The following RDX variants were observed in gnomAD, a reference collection of about 807,000 sequenced individuals.
RDX encodes the protein radixin, also known as deafness, autosomal recessive 24.
In RDX, 32 loss-of-function variants were observed where a neutral mutation model predicts 83.7. That is an observed-to-expected ratio of 0.38 (90% CI 0.29 to 0.51). The LOEUF is 0.51. Ranked by LOEUF, RDX falls within the 20% of genes least tolerant of loss-of-function variation. The pLI is 0.87. For synonymous variants in RDX, 229 were observed against 222.7 expected (o/e 1.03, Z -0.25); for missense variants, 600 against 689.9 (o/e 0.87, Z 1.46).
intron 9 of RDX, among the ~76,000 whole-genome samples, chr11:110,253,603 A>G (rs976583766): frequency 3.9e-5 from 6 of 152,172 alleles, no homozygotes; most frequent in African/African-American, 1.4e-4. Flanking sequence ...TTTCAAAGTT[A>G]AATATTCAGC....
chr11:110,182,917 T>A (rs764592434), intron 15 of RDX, among the ~76,000 whole-genome samples: 2 of 152,212 alleles, frequency 1.3e-5, no homozygotes, highest in South Asian at 2.1e-4. Flanking sequence ...GAGCAAATCA[T>A]TCTTTTACAG....
chr11:110,243,553 A>G (rs1865184185), intron 10 of RDX, among the ~76,000 whole-genome samples: 1 of 152,124 alleles, frequency 6.6e-6, no homozygotes, highest in African/African-American at 2.4e-5. Context: ...CCCTGTCTCT[A>G]CTAAAAATAT....
intron 3 of RDX, among the ~76,000 whole-genome samples, chr11:110,266,353 GTAAGAGTAAA>G (rs1370648135): frequency 2.0e-5 from 3 of 151,540 alleles, no homozygotes; most frequent in African/African-American, 7.3e-5. Flanking sequence ...AGAAAATAAA[GTAAGAGTAAA>G]TAAAGTGGTG....
At chr11:110,195,256 G>T (rs1273147745) in intron 15 of RDX, among the ~76,000 whole-genome samples, 1 of 152,122 alleles carries the variant, frequency 6.6e-6, no homozygotes, top group Admixed American at 6.5e-5. Context: ...GAGCCACCGT[G>T]CCCAGCCAGA....
chr11:110,253,674 T>C (rs982456491), intron 9 of RDX, among the ~76,000 whole-genome samples: 1 of 152,094 alleles, frequency 6.6e-6, no homozygotes, highest in Non-Finnish European at 1.5e-5. Context: ...TTTGAAAGTT[T>C]CAAACTACTA....
At chr11:110,256,832 T>C (rs999315092) in intron 7 of RDX, among the ~76,000 whole-genome samples, 7 of 152,226 alleles carry the variant, frequency 4.6e-5, no homozygotes, top group Non-Finnish European at 2.9e-5. Context: ...CATGAGAAGA[T>C]ATTAGGGTAA....
chr11:110,293,613 C>A (rs3847565), intron 1 of RDX, among the ~76,000 whole-genome samples: 2,551 of 152,198 alleles, frequency 0.017, 86 homozygotes, highest in East Asian at 0.14. Context: ...TTAAAATAAT[C>A]TTTTAAGGGT....
At chr11:110,212,284 GGAA>G (rs1470208901) in intron 14 of RDX, among the ~76,000 whole-genome samples, 1 of 151,630 alleles carries the variant, frequency 6.6e-6, no homozygotes, top group Non-Finnish European at 1.5e-5. Context: ...GACTAAACCA[GGAA>G]GAAGTTGAAT....
intron 2 of RDX, among the ~76,000 whole-genome samples, chr11:110,276,360 T>C (rs1002965765): frequency 6.6e-6 from 1 of 151,940 alleles, no homozygotes; most frequent in Non-Finnish European, 1.5e-5. Flanking sequence ...CACTGGTCAA[T>C]TAAACTACTC....
chr11:110,181,098 GAGC>G (rs1340991816), intron 15 of RDX, among the ~76,000 whole-genome samples: 1 of 151,592 alleles, frequency 6.6e-6, no homozygotes, highest in Non-Finnish European at 1.5e-5. Context: ...GCCTGGATTA[GAGC>G]AGCTCAGGTG....
chr11:110,220,828 T>C (rs1461817134), intron 14 of RDX, among the ~76,000 whole-genome samples: 2 of 149,094 alleles, frequency 1.3e-5, no homozygotes, highest in African/African-American at 5.0e-5. Flanking sequence ...TGTCAGACTA[T>C]GTATCTAATG....
rs544146882 is a variant in RDX, at chr11:110,222,804, T to C, written c.1748+9069A>G. Among the ~76,000 whole-genome samples the C allele has an allele frequency of 3.3e-5, 5 of 151,458 alleles. No individual in the cohort carries two copies. In the East Asian group the frequency reaches 9.8e-4, roughly 30 times the overall value. On this transcript the variant is annotated intron_variant, in intron 14 of 15. Transcript: ENST00000528498. The stretch of plus-strand genomic sequence containing the variant: ...GACAGAGCCAGACTCCCAACTCAAA[T>C]AAATGAATGAATGAATGAATGAATG...
intron 15 of RDX, among the ~76,000 whole-genome samples, chr11:110,195,257 C>A (rs1863180109): frequency 6.6e-6 from 1 of 152,134 alleles, no homozygotes; most frequent in Non-Finnish European, 1.5e-5. Flanking sequence ...AGCCACCGTG[C>A]CCAGCCAGAG....
intron 1 of RDX, among the ~76,000 whole-genome samples, chr11:110,291,019 G>A (rs75381301): frequency 0.039 from 5,972 of 152,192 alleles, 231 homozygotes; most frequent in African/African-American, 0.091. Flanking sequence ...GTAAAAAAAG[G>A]ACCGAAGACA....
intron 1 of RDX, among the ~76,000 whole-genome samples, chr11:110,289,055 T>A (rs1437005267): frequency 6.6e-6 from 1 of 151,780 alleles, no homozygotes; most frequent in East Asian, 1.9e-4. Flanking sequence ...CTGACCAACA[T>A]GGAGAAACCC....
chr11:110,257,551 T>G (rs767013452), intron 7 of RDX, among the ~76,000 whole-genome samples: 4 of 152,188 alleles, frequency 2.6e-5, no homozygotes, highest in Non-Finnish European at 4.4e-5. Context: ...ATCATCTCAT[T>G]TGATAAATAC....
intron 1 of RDX, among the ~76,000 whole-genome samples, chr11:110,294,738 G>A (rs559404552): frequency 6.6e-6 from 1 of 151,620 alleles, no homozygotes; most frequent in Non-Finnish European, 1.5e-5. Context: ...AAAACAAAAG[G>A]ACAGACTCAA....
intron 3 of RDX, among the ~76,000 whole-genome samples, chr11:110,265,501 T>A (rs200133467): frequency 3.7e-4 from 11 of 29,614 alleles, no homozygotes; most frequent in African/African-American, 7.0e-4. Context: ...GTCTTGAAAA[T>A]ATATATATAT....
In RDX at chr11:110,202,075, C is replaced by T. The variant is rs146235091; in HGVS notation, c.1749-2397G>A. Among the ~76,000 whole-genome samples the T allele has an allele frequency of 9.4e-3, 1,433 of 152,064 alleles. 30 individuals are homozygous for T. Among genetic ancestry groups the T allele is most frequent in the African/African-American group, 0.033 (1,359 of 41,476 alleles). On this transcript the variant is annotated intron_variant, in intron 14 of 15. Transcript: ENST00000528498. Reference sequence around the variant, plus strand: ...GATTACAGGTATGAGCCACTGCGCCCGGCCTAGTTTAACACTTTAAAGAAT... The same window carrying T: ...GATTACAGGTATGAGCCACTGCGCCTGGCCTAGTTTAACACTTTAAAGAAT...
Sources: allele counts gnomAD v4.1 joint callset (sites outside exome capture counted in the v4.1 genomes callset), GRCh38; gene constraint gnomAD v4.1.1; transcripts MANE v1.5; gene names NCBI Gene and HGNC (gene_info 2026-07-23, HGNC 2026-07-21).